Variants in ITPR2 observed in about 807,000 individuals in gnomAD.
The protein encoded by ITPR2 is inositol 1,4,5-trisphosphate-gated calcium channel ITPR2.
Under a neutral mutation model 317.1 loss-of-function variants are expected in ITPR2, and 207 were observed. The ratio of observed to expected loss-of-function variants is 0.65; its 90% CI spans 0.58 to 0.73. The LOEUF is 0.73. ITPR2 is among the 30% of genes least tolerant of loss of function. The pLI is 0.00. For missense variants in ITPR2, 2,613 were observed against 3,284.0 expected (o/e 0.80, Z 4.99); for synonymous variants, 1,156 against 1,149.1 (o/e 1.01, Z -0.12).
At chr12:26,486,381 T>C in intron 40 of ITPR2, 21 bp from the exon 41 acceptor site, 1 of 1,581,402 alleles carries the variant, frequency 6.3e-7, no homozygotes, top group Non-Finnish European at 8.6e-7. Context: ...AGCAGTACTT[T>C]TATATTTCTG....
intron 54 of ITPR2, among the ~76,000 whole-genome samples, chr12:26,396,262 A>G (rs993904167): frequency 3.9e-5 from 6 of 152,160 alleles, no homozygotes; most frequent in Non-Finnish European, 8.8e-5. Flanking sequence ...TTATCTTCCA[A>G]GGTTGATGGA....
At chr12:26,465,750 T>G (rs536690959) in intron 45 of ITPR2, among the ~76,000 whole-genome samples, 182 of 152,188 alleles carry the variant, frequency 1.2e-3, no homozygotes, top group African/African-American at 4.0e-3. Flanking sequence ...CCTCCTGTAA[T>G]AAAGGTATAC....
chr12:26,408,689 G>A (rs2136665915), intron 52 of ITPR2, among the ~76,000 whole-genome samples: 1 of 152,198 alleles, frequency 6.6e-6, no homozygotes, highest in East Asian at 1.9e-4. Context: ...GGAACAACAA[G>A]TACTAGCTTT....
Position 26,663,824 on chromosome 12 carries a change from G to A in ITPR2, c.1574C>T (p.Pro525Leu). 6.2e-7 allele frequency: 1 copy of A among 1,610,360 alleles called. No individual in the cohort carries two copies. Among genetic ancestry groups the A allele is most frequent in the Non-Finnish European group, 8.5e-7 (1 of 1,178,892 alleles). ...LAQVFGILKA[P>L]FKEKAGEGSM... ...GCCTTCTCCTGCTTTCTCTTTAAAGGGTGCTTTAAGAATTCCAAATACCTA... is the reference window on the plus strand; with the variant it reads ...GCCTTCTCCTGCTTTCTCTTTAAAGAGTGCTTTAAGAATTCCAAATACCTA... Residue 525 changes from proline (P) to leucine (L), a missense_variant, in exon 15 of 57, where the codon CCC becomes CTC. Around this residue, in one of 9 missense-constraint regions of ITPR2, gnomAD observed 515 missense variants for 789.4 expected, o/e 0.65. Transcript: ENST00000381340.
At chr12:26,820,668 T>C (rs1359811431) in intron 1 of ITPR2, among the ~76,000 whole-genome samples, 2 of 152,156 alleles carry the variant, frequency 1.3e-5, no homozygotes, top group African/African-American at 4.8e-5. Context: ...ATACAAAATC[T>C]TGTACATAAA....
At chr12:26,487,044 C>G in intron 40 of ITPR2, 24 bp downstream of exon 40, 1 of 1,595,028 alleles carries the variant, frequency 6.3e-7, no homozygotes, top group Non-Finnish European at 8.6e-7. Context: ...CTCTGTTCTC[C>G]CAAATACTCA....
intron 10 of ITPR2, among the ~76,000 whole-genome samples, chr12:26,694,394 C>T (rs1053448689): frequency 6.6e-6 from 1 of 152,308 alleles, no homozygotes; most frequent in East Asian, 1.9e-4. Context: ...AATTCCTCTT[C>T]CTGACAACAT....
intron 2 of ITPR2, among the ~76,000 whole-genome samples, chr12:26,777,087 A>G (rs905083216): frequency 6.6e-6 from 1 of 152,248 alleles, no homozygotes; most frequent in African/African-American, 2.4e-5. Context: ...GGGACTCTGC[A>G]TTTAATGTTG....
At chr12:26,436,171 TAAGTGGGAACTTTAAA>T (rs765870189) in intron 48 of ITPR2, 34 bp downstream of exon 48, 9 of 1,461,638 alleles carry the variant, frequency 6.2e-6, no homozygotes, top group South Asian at 2.8e-5. Context: ...TTTAAATAGT[TAAGTGGGAACTTTAAA>T]ATATTTATAT....
rs1473639487 is a variant in ITPR2 at position 26,743,459 on chromosome 12, A to G, written c.164-17694T>C. On this transcript the variant is annotated intron_variant, in intron 2 of 56. Transcript: ENST00000381340. ...TGTTTTGTTGAATGTATTTCAGCAG[A>G]TATTTTAGAAAAAAATATTTTTTCC... is the stretch of plus-strand genomic sequence containing the variant. 5.9e-5 allele frequency among the ~76,000 whole-genome samples: 9 copies of G among 152,332 alleles called. No individual in the cohort carries two copies. The East Asian group carries it at 1.7e-3, about 29-fold the overall frequency.
chr12:26,407,486 G>C (rs1243121737), intron 52 of ITPR2, among the ~76,000 whole-genome samples: 1 of 152,128 alleles, frequency 6.6e-6, no homozygotes, highest in East Asian at 1.9e-4. Context: ...TGTCCCTGGG[G>C]GGTTGGGGTA....
At chr12:26,393,774 T>C (rs1939915998) in intron 54 of ITPR2, among the ~76,000 whole-genome samples, 1 of 152,214 alleles carries the variant, frequency 6.6e-6, no homozygotes, top group South Asian at 2.1e-4. Flanking sequence ...TCACCCTACA[T>C]TCCTGTGGGC....
intron 32 of ITPR2, among the ~76,000 whole-genome samples, chr12:26,585,630 C>T (rs2137085860): frequency 6.6e-6 from 1 of 152,244 alleles, no homozygotes; most frequent in South Asian, 2.1e-4. Context: ...GTCTCGAACT[C>T]CTGGGCTCAA....
intron 49 of ITPR2, among the ~76,000 whole-genome samples, 195 bp downstream of exon 49, chr12:26,427,718 A>G (rs2136702451): frequency 6.6e-6 from 1 of 152,286 alleles, no homozygotes; most frequent in Non-Finnish European, 1.5e-5. Context: ...TAAATATAGC[A>G]ATCTTTTACC....
chr12:26,644,375 G>C (rs1265068998), intron 21 of ITPR2, among the ~76,000 whole-genome samples: 1 of 152,138 alleles, frequency 6.6e-6, no homozygotes, highest in South Asian at 2.1e-4. Flanking sequence ...CCAGGCAATA[G>C]AAAGCACCAT....
chr12:26,380,527 C>T (rs1215205682), intron 55 of ITPR2, among the ~76,000 whole-genome samples: 2 of 152,128 alleles, frequency 1.3e-5, no homozygotes, highest in African/African-American at 2.4e-5. Flanking sequence ...CTTGGCTTTC[C>T]TTGAAATGTA....
At chr12:26,670,327 G>A (rs1181660386) in intron 13 of ITPR2, among the ~76,000 whole-genome samples, 1 of 152,136 alleles carries the variant, frequency 6.6e-6, no homozygotes, top group Non-Finnish European at 1.5e-5. Context: ...CACTTCACAC[G>A]GCCGGGTACT....
At chr12:26,720,154 T>C (rs1948809880) in intron 5 of ITPR2, among the ~76,000 whole-genome samples, 1 of 152,168 alleles carries the variant, frequency 6.6e-6, no homozygotes, top group Admixed American at 6.6e-5. Context: ...CCATAAGCTA[T>C]ATCATAAAGT....
rs374132493 is a variant in ITPR2 at position 26,631,968 on chromosome 12, C to T, written c.2832G>A (p.Pro944=). Residue 944 remains proline (P), a synonymous_variant, in exon 22 of 57, where the codon CCG becomes CCA. Transcript: ENST00000381340. ...SRGSIFPMSV[P]DVPPSIHPSK... ...TCGGGTGGATGCTGGGTGGCACATCCGGCACGCTCATGGGGAAGATGGAGC... is the reference window on the plus strand; with the variant it reads ...TCGGGTGGATGCTGGGTGGCACATCTGGCACGCTCATGGGGAAGATGGAGC... 122 of 1,613,660 alleles carry T rather than the reference C, an allele frequency of 7.6e-5. No individual in the cohort carries two copies. The African/African-American group carries it at 1.4e-3, about 19-fold the overall frequency.
Sources: gnomAD v4.1 joint callset for allele counts (sites outside exome capture counted in the v4.1 genomes callset) on GRCh38, gnomAD v4.1.1 for gene constraint, gnomAD v4.1.1 regional missense constraint, MANE v1.5 for transcripts, NCBI Gene and HGNC (gene_info 2026-07-23, HGNC 2026-07-21) for gene names.